SLC4A4: variants seen among roughly 807,000 people sequenced by gnomAD.
SLC4A4 encodes electrogenic sodium bicarbonate cotransporter 1.
Under a neutral mutation model 111.5 loss-of-function variants are expected in SLC4A4, and 27 were observed. The observed-to-expected ratio is 0.24, with a 90% CI of 0.18 to 0.33. SLC4A4 has a LOEUF of 0.33. Among genes scored for constraint, SLC4A4 ranks in the 10% least tolerant of loss-of-function variants. SLC4A4 has a pLI of 1.00. For missense variants in SLC4A4, 909 were observed against 1,315.5 expected (o/e 0.69, Z 4.78); for synonymous variants, 443 against 463.4 (o/e 0.96, Z 0.57).
intron 3 of SLC4A4, among the ~76,000 whole-genome samples, chr4:71,325,885 TTGTG>T (rs1029480026): frequency 2.6e-5 from 4 of 151,648 alleles, no homozygotes; most frequent in African/African-American, 9.7e-5. Flanking sequence ...GTGTGTGTGT[TTGTG>T]TGTATGTGTG....
intron 18 of SLC4A4, among the ~76,000 whole-genome samples, chr4:71,543,440 G>C (rs1413396409): frequency 6.6e-6 from 1 of 152,028 alleles, no homozygotes; most frequent in Non-Finnish European, 1.5e-5. Flanking sequence ...GGGAAACAGA[G>C]TACTTATCTA....
intron 3 of SLC4A4, among the ~76,000 whole-genome samples, chr4:71,304,103 C>G (rs563160806): frequency 6.6e-6 from 1 of 152,286 alleles, no homozygotes; most frequent in East Asian, 1.9e-4. Context: ...TCTTCCTTTA[C>G]TGGGTAGAAA....
chr4:71,402,795 A>C (rs902697099), intron 7 of SLC4A4, among the ~76,000 whole-genome samples: 1 of 152,210 alleles, frequency 6.6e-6, no homozygotes, highest in African/African-American at 2.4e-5. Context: ...GTAGCCATGC[A>C]ATGATATCCT....
At chr4:71,222,710 C>T (rs948905472) in intron 1 of SLC4A4, among the ~76,000 whole-genome samples, 1 of 152,148 alleles carries the variant, frequency 6.6e-6, no homozygotes, top group African/African-American at 2.4e-5. Context: ...GGAACACAGA[C>T]TAGAGAAATG....
At chr4:71,166,089 T>C (rs1175169306) in intron 2 of SLC4A4, among the ~76,000 whole-genome samples, 4 of 152,166 alleles carry the variant, frequency 2.6e-5, no homozygotes, top group South Asian at 2.1e-4. Context: ...TAAGATCTTA[T>C]TGGTTTACTA....
Position 71,094,943 on chromosome 4 carries a change from A to G in SLC4A4, c.-2+2151A>G, listed in dbSNP as rs1204081915. On this transcript the variant is annotated intron_variant, in intron 2 of 26. Transcript: ENST00000649996. ...CAGGCTAAAAGTTAGGCATTAATTA[A>G]TTAGGTGTACTTTTTTAACTTATGG... 2.6e-5 allele frequency among the ~76,000 whole-genome samples: 4 copies of G among 152,186 alleles called. No individual in the cohort carries two copies. The South Asian group carries it at 8.3e-4, about 32-fold the overall frequency.
intron 6 of SLC4A4, among the ~76,000 whole-genome samples, chr4:71,387,728 A>G (rs773698666): frequency 1.3e-5 from 2 of 152,140 alleles, no homozygotes; most frequent in Admixed American, 6.5e-5. Flanking sequence ...TCCTGACCTC[A>G]GGTGATCTGC....
intron 22 of SLC4A4, 33 bp from the exon 23 acceptor site, chr4:71,560,060 T>G (rs1271990321): frequency 6.5e-7 from 1 of 1,543,696 alleles, no homozygotes; most frequent in Non-Finnish European, 8.9e-7. Context: ...TCTGACATGG[T>G]TTCTTTCATA....
chr4:71,293,600 C>T (rs578020835), intron 3 of SLC4A4, among the ~76,000 whole-genome samples: 14 of 151,566 alleles, frequency 9.2e-5, no homozygotes, highest in Non-Finnish European at 1.8e-4. Context: ...TTGTATAATG[C>T]AATTAATGAC....
chr4:71,510,016 TAGA>T (rs1294131859), intron 16 of SLC4A4, among the ~76,000 whole-genome samples: 1 of 152,096 alleles, frequency 6.6e-6, no homozygotes, highest in Non-Finnish European at 1.5e-5. Flanking sequence ...GTTTGCAGGG[TAGA>T]GTATATACAA....
At chr4:71,238,643 C>A (rs1719969010) in intron 2 of SLC4A4, among the ~76,000 whole-genome samples, 1 of 152,096 alleles carries the variant, frequency 6.6e-6, no homozygotes, top group Admixed American at 6.5e-5. Context: ...GTCCTGAGCC[C>A]CATAAGAAGA....
chr4:71,092,417 C>A (rs1560714978), intron 1 of SLC4A4, among the ~76,000 whole-genome samples: 1 of 152,036 alleles, frequency 6.6e-6, no homozygotes, highest in African/African-American at 2.4e-5. Flanking sequence ...ATATTCCAAA[C>A]CCTAGTAAGA....
intron 7 of SLC4A4, among the ~76,000 whole-genome samples, chr4:71,400,233 G>A (rs1181264028): frequency 6.6e-6 from 1 of 152,100 alleles, no homozygotes; most frequent in Non-Finnish European, 1.5e-5. Flanking sequence ...TAACTTATTG[G>A]GTCTTTTCAT....
intron 23 of SLC4A4, 143 bp downstream of exon 23, chr4:71,560,397 C>T (rs1003111737): frequency 8.1e-6 from 7 of 865,868 alleles, no homozygotes; most frequent in Non-Finnish European, 1.2e-5. Context: ...ATTTCACCTC[C>T]CTTTGCCCTT....
At chr4:71,259,787 T>G (rs968209325) in intron 3 of SLC4A4, among the ~76,000 whole-genome samples, 3 of 152,136 alleles carry the variant, frequency 2.0e-5, no homozygotes, top group Admixed American at 6.5e-5. Flanking sequence ...ATTTTGTTAG[T>G]GTCCAGGGAT....
intron 13 of SLC4A4, among the ~76,000 whole-genome samples, chr4:71,470,452 G>A (rs1257489780): frequency 1.3e-5 from 2 of 151,960 alleles, no homozygotes; most frequent in African/African-American, 4.8e-5. Context: ...AATCAGATGG[G>A]GAATCATGCT....
At chr4:71,358,411 C>CA (rs1179019947) in intron 6 of SLC4A4, among the ~76,000 whole-genome samples, 1 of 151,704 alleles carries the variant, frequency 6.6e-6, no homozygotes, top group African/African-American at 2.4e-5. Context: ...AACCGGTTGT[C>CA]ATGGAAAAAG....
intron 16 of SLC4A4, among the ~76,000 whole-genome samples, chr4:71,499,026 T>C (rs1194821688): frequency 6.6e-6 from 1 of 152,142 alleles, no homozygotes; most frequent in South Asian, 2.1e-4. Context: ...TCTTCAACTG[T>C]GTGGGTTTTG....
intron 1 of SLC4A4, among the ~76,000 whole-genome samples, chr4:71,196,905 T>C (rs2602075): frequency 0.16 from 23,213 of 142,052 alleles, 3,011 homozygotes; most frequent in African/African-American, 0.33. Flanking sequence ...CAAATTATCT[T>C]ATCCAACTTT....
Sources: gnomAD v4.1 joint callset for allele counts (sites outside exome capture counted in the v4.1 genomes callset) on GRCh38, gnomAD v4.1.1 for gene constraint, MANE v1.5 for transcripts, NCBI Gene and HGNC (gene_info 2026-07-23, HGNC 2026-07-21) for gene names.